The following CALN1 variants were observed in gnomAD, a reference collection of about 807,000 sequenced individuals.
CALN1 encodes the protein calcium-binding protein 8.
A neutral mutation model predicts 30.6 loss-of-function variants in CALN1; 17 were observed. The ratio of observed to expected loss-of-function variants is 0.56; its 90% CI spans 0.38 to 0.83. The LOEUF is 0.83. Ranked by LOEUF, CALN1 falls within the 40% of genes least tolerant of loss-of-function variation. CALN1 has a pLI of 0.00. For synonymous variants in CALN1, 156 were observed against 131.4 expected (o/e 1.19, Z -1.28); for missense variants, 291 against 354.9 (o/e 0.82, Z 1.45).
At chr7:72,188,313 G>GT (rs1790352464) in intron 3 of CALN1, among the ~76,000 whole-genome samples, 1 of 152,180 alleles carries the variant, frequency 6.6e-6, no homozygotes, top group Admixed American at 6.5e-5. Context: ...ATATATCTCA[G>GT]TTTACGTATA....
chr7:71,907,635 G>T (rs976639027), intron 5 of CALN1, among the ~76,000 whole-genome samples: 1 of 152,190 alleles, frequency 6.6e-6, no homozygotes, highest in Non-Finnish European at 1.5e-5. Flanking sequence ...TACTTTGCTA[G>T]GTCTTGCTGA....
At chr7:72,422,642 T>C (rs1467311444) in intron 1 of CALN1, among the ~76,000 whole-genome samples, 2 of 152,256 alleles carry the variant, frequency 1.3e-5, no homozygotes, top group Non-Finnish European at 2.9e-5. Flanking sequence ...ATTCCATTTA[T>C]ATAAATTGTC....
chr7:71,997,257 G>C (rs1354984020), intron 5 of CALN1, among the ~76,000 whole-genome samples: 2 of 151,382 alleles, frequency 1.3e-5, no homozygotes, highest in South Asian at 2.1e-4. Flanking sequence ...AAGAAAGAAA[G>C]AATCAAATGG....
At chr7:71,876,769 G>T (rs1412688513) in intron 5 of CALN1, among the ~76,000 whole-genome samples, 3 of 152,184 alleles carry the variant, frequency 2.0e-5, no homozygotes, top group African/African-American at 7.2e-5. Context: ...AAGTTGCCCA[G>T]GTTGCAAGTG....
intron 4 of CALN1, among the ~76,000 whole-genome samples, chr7:72,039,379 G>A (rs1024775221): frequency 6.6e-6 from 1 of 152,138 alleles, no homozygotes; most frequent in African/African-American, 2.4e-5. Flanking sequence ...CTCCCTGTTC[G>A]AGCTTCCCTG....
At chr7:72,295,101 T>C (rs1470897868) in intron 2 of CALN1, among the ~76,000 whole-genome samples, 2 of 152,146 alleles carry the variant, frequency 1.3e-5, no homozygotes, top group Non-Finnish European at 2.9e-5. Context: ...ATCTCACAAA[T>C]CACTACTAAA....
At chr7:72,343,874 A>C (rs1562907928) in intron 2 of CALN1, among the ~76,000 whole-genome samples, 1 of 152,148 alleles carries the variant, frequency 6.6e-6, no homozygotes, top group Non-Finnish European at 1.5e-5. Flanking sequence ...GGTTTCTGGG[A>C]AAGATGGACT....
chr7:72,271,023 A>C (rs1227873295), intron 3 of CALN1, among the ~76,000 whole-genome samples: 2 of 152,214 alleles, frequency 1.3e-5, no homozygotes, highest in African/African-American at 4.8e-5. Flanking sequence ...ATGGGACTAA[A>C]GATTGTATGT....
chr7:71,962,879 A>G (rs1562939450), intron 5 of CALN1, among the ~76,000 whole-genome samples: 2 of 152,210 alleles, frequency 1.3e-5, no homozygotes, highest in Admixed American at 1.3e-4. Flanking sequence ...AGGAAAAATG[A>G]AATCAGAAGA....
intron 1 of CALN1, among the ~76,000 whole-genome samples, chr7:72,445,991 C>T (rs567882311): frequency 6.6e-6 from 1 of 152,208 alleles, no homozygotes; most frequent in South Asian, 2.1e-4. Context: ...AAGCACTTCC[C>T]CTCCCAAGCT....
At chr7:72,239,701 A>G (rs1423188152) in intron 3 of CALN1, among the ~76,000 whole-genome samples, 5 of 152,154 alleles carry the variant, frequency 3.3e-5, no homozygotes, top group Non-Finnish European at 5.9e-5. Flanking sequence ...CAGAAAAAAA[A>G]AATGTGGATT....
At chr7:72,271,606 G>A (rs1797000358) in intron 3 of CALN1, among the ~76,000 whole-genome samples, 2 of 85,788 alleles carry the variant, frequency 2.3e-5, no homozygotes, top group Admixed American at 1.2e-4. Flanking sequence ...TTTTCAGCAG[G>A]CAGGAGATGA....
intron 3 of CALN1, among the ~76,000 whole-genome samples, chr7:72,124,517 A>G (rs1808605843): frequency 6.6e-6 from 1 of 152,022 alleles, no homozygotes; most frequent in Admixed American, 6.6e-5. Flanking sequence ...CCAGGCACAT[A>G]ACTGCGTGCC....
Position 71,835,376 on chromosome 7 carries a change from C to T in CALN1, c.502-24884G>A, listed in dbSNP as rs115010147. ...TTTTAGTAACCACAGGGAAACATGG[C>T]GGCACGGGGTAAGTGGTAGAAATAT... On this transcript the variant is annotated intron_variant, in intron 5 of 6. Coordinates refer to ENST00000395275, the MANE Select transcript of CALN1 (RefSeq NM_031468.4). 5.6e-3 allele frequency among the ~76,000 whole-genome samples: 849 copies of T among 152,282 alleles called. 8 individuals are homozygous for T. Among genetic ancestry groups the T allele is most frequent in the African/African-American group, 0.019 (778 of 41,564 alleles).
At chr7:72,239,087 G>A (rs1472399438) in intron 3 of CALN1, among the ~76,000 whole-genome samples, 1 of 152,050 alleles carries the variant, frequency 6.6e-6, no homozygotes, top group Non-Finnish European at 1.5e-5. Context: ...AATACCTCCT[G>A]GTGCTTTCTA....
intron 2 of CALN1, among the ~76,000 whole-genome samples, chr7:72,365,168 G>C (rs1255132356): frequency 6.6e-6 from 1 of 152,140 alleles, no homozygotes; most frequent in Non-Finnish European, 1.5e-5. Flanking sequence ...AGCCAGGCCT[G>C]GTGGCATATG....
At chr7:72,161,528 G>A (rs1217745421) in intron 3 of CALN1, among the ~76,000 whole-genome samples, 1 of 152,158 alleles carries the variant, frequency 6.6e-6, no homozygotes, top group Non-Finnish European at 1.5e-5. Context: ...TTTACTTACA[G>A]CTAAATATAT....
In CALN1 at chr7:72,190,670, T is replaced by G. The variant is rs1428717037; in HGVS notation, c.245-84376A>C. Among the ~76,000 whole-genome samples, 5 of 152,220 alleles carry G rather than the reference T, an allele frequency of 3.3e-5. No individual in the cohort carries two copies. The East Asian group carries it at 9.6e-4, about 29-fold the overall frequency. On this transcript the variant is annotated intron_variant, in intron 3 of 6. Coordinates refer to ENST00000395275, the MANE Select transcript of CALN1 (RefSeq NM_031468.4). ...TGTGCATGTTTCAGAAAAATTATTT[T>G]TTAATACAAGAGTCCTTTGAGTCCT...
At chr7:72,219,702 A>G (rs1793126183) in intron 3 of CALN1, among the ~76,000 whole-genome samples, 1 of 151,902 alleles carries the variant, frequency 6.6e-6, no homozygotes, top group East Asian at 1.9e-4. Flanking sequence ...CATGCAATGC[A>G]CACACACGCA....
Sources: gnomAD v4.1 joint callset for allele counts (sites outside exome capture counted in the v4.1 genomes callset) on GRCh38, gnomAD v4.1.1 for gene constraint, MANE v1.5 for transcripts, NCBI Gene and HGNC (gene_info 2026-07-23, HGNC 2026-07-21) for gene names.